NRCAM: variants seen among roughly 807,000 people sequenced by gnomAD.
NRCAM encodes the protein NgCAM-related cell adhesion molecule.
In NRCAM, 83 loss-of-function variants were observed where a neutral mutation model predicts 156.5. That is an observed-to-expected ratio of 0.53 (90% CI 0.44 to 0.64). NRCAM has a LOEUF of 0.64. Ranked by LOEUF, NRCAM falls within the 30% of genes least tolerant of loss-of-function variation. The probability of loss-of-function intolerance (pLI) is 0.00; values close to 1 mark genes in which losing one functional copy is unlikely to be tolerated. For synonymous variants in NRCAM, 538 were observed against 563.9 expected, an observed-to-expected ratio of 0.95 and a Z score of 0.65; for missense variants, 1,417 against 1,597.3, an observed-to-expected ratio of 0.89 and a Z score of 1.92.
At chr7:108,214,473 T>A (rs994650073) in intron 11 of NRCAM, among the ~76,000 whole-genome samples, 2 of 128,598 alleles carry the variant, frequency 1.6e-5, no homozygotes, top group Non-Finnish European at 3.3e-5. Context: ...TCATTTTTTA[T>A]TGTGTCTATT....
At chr7:108,411,955 C>G (rs1185479214) in intron 1 of NRCAM, among the ~76,000 whole-genome samples, 2 of 152,128 alleles carry the variant, frequency 1.3e-5, no homozygotes, top group African/African-American at 4.8e-5. Context: ...AACAAAACTA[C>G]AGTAAACAAT....
Position 108,159,477 on chromosome 7 carries a change from T to C in NRCAM, c.3663A>G (p.Thr1221=), listed in dbSNP as rs751393223. 7.4e-6 allele frequency: 12 copies of C among 1,613,426 alleles called. No homozygotes were observed. In the South Asian group the frequency reaches 9.9e-5, roughly 13 times the overall value. Residue 1221 remains threonine, a synonymous_variant, in exon 32 of 33, where the codon ACA becomes ACG. Transcript: ENST00000379028. ...EIQPMKEDDG[T]FGEYSDAEDH... ...CAGGGGCTCACCTGTATTCTCCAAA[T>C]GTCCCATCATCTTCCTTCATAGGCT...
Position 108,159,560 on chromosome 7 carries a change from GT to G in NRCAM, c.3599-20del. ...TCTTTAACTAAAAAATGCCAAAATG[GT>G]ATTATTATCTGTTGATCCTGTTCTT... On this transcript the variant is annotated intron_variant, in intron 31 of 32. Coordinates refer to ENST00000379028, the MANE Select transcript of NRCAM (RefSeq NM_001037132.4). 1 of 1,585,456 alleles carries G rather than the reference GT, an allele frequency of 6.3e-7. No individual in the cohort carries two copies.
chr7:108,199,769 C>T (rs1053282853), intron 13 of NRCAM, among the ~76,000 whole-genome samples: 1 of 152,172 alleles, frequency 6.6e-6, no homozygotes, highest in Non-Finnish European at 1.5e-5. Context: ...ACCTTAATCA[C>T]ATGTGCAAAT....
intron 2 of NRCAM, among the ~76,000 whole-genome samples, chr7:108,342,394 A>G (rs2099296664): frequency 6.6e-6 from 1 of 152,224 alleles, no homozygotes. Flanking sequence ...CAAAACCCTA[A>G]AGCAACTAAG....
At chr7:108,271,175 G>A (rs2097331997) in intron 3 of NRCAM, among the ~76,000 whole-genome samples, 1 of 152,124 alleles carries the variant, frequency 6.6e-6, no homozygotes, top group Non-Finnish European at 1.5e-5. Flanking sequence ...AGATCAAACA[G>A]CTACCAGCAA....
chr7:108,414,392 T>C (rs1337386520), intron 1 of NRCAM, among the ~76,000 whole-genome samples: 1 of 152,144 alleles, frequency 6.6e-6, no homozygotes, highest in African/African-American at 2.4e-5. Context: ...TTCCATCTCC[T>C]CATAAAACCT....
intron 2 of NRCAM, among the ~76,000 whole-genome samples, chr7:108,337,828 G>A (rs116636986): frequency 0.031 from 4,647 of 152,220 alleles, 95 homozygotes; most frequent in Middle Eastern, 0.054. Flanking sequence ...GGACCTCCCC[G>A]CAACCCAGTA....
intron 2 of NRCAM, among the ~76,000 whole-genome samples, chr7:108,385,139 T>A (rs957028600): frequency 2.6e-5 from 4 of 152,212 alleles, no homozygotes; most frequent in Non-Finnish European, 4.4e-5. Flanking sequence ...GAGGAATAGA[T>A]CACATTTATT....
At chr7:108,215,556 T>A (rs1417443384) in intron 11 of NRCAM, among the ~76,000 whole-genome samples, 1 of 152,098 alleles carries the variant, frequency 6.6e-6, no homozygotes, top group Non-Finnish European at 1.5e-5. Context: ...TGTCTTTGTA[T>A]GTCTCTAAGA....
intron 3 of NRCAM, among the ~76,000 whole-genome samples, chr7:108,257,839 C>A (rs1395924882): frequency 2.6e-5 from 4 of 151,902 alleles, no homozygotes; most frequent in Admixed American, 2.6e-4. Context: ...GCTATTAAAC[C>A]TAAGTCAGGC....
At position 108,149,876 on chromosome 7, in the gene NRCAM, T is replaced by C. The variant is rs780241240; in HGVS notation, c.*34A>G. The C allele has an allele frequency of 6.4e-7, 1 of 1,550,862 alleles. No individual in the cohort carries two copies. The highest frequency in any genetic ancestry group is 8.8e-7 in the Non-Finnish European group (1 of 1,134,406). ...AAACAAGTGCTTAGGATAAACATTC[T>C]AGAGAAATGGAATATTGGCAAAGAG... On this transcript the variant is annotated 3_prime_UTR_variant, in exon 33 of 33. Coordinates refer to ENST00000379028, the MANE Select transcript of NRCAM (RefSeq NM_001037132.4).
chr7:108,367,009 T>C (rs1022679345), intron 2 of NRCAM, among the ~76,000 whole-genome samples: 2 of 152,248 alleles, frequency 1.3e-5, no homozygotes, highest in African/African-American at 4.8e-5. Context: ...TGAAATGATT[T>C]TGAAGAGAGA....
chr7:108,443,987 G>C (rs769257154), intron 1 of NRCAM, among the ~76,000 whole-genome samples: 15 of 152,136 alleles, frequency 9.9e-5, no homozygotes, highest in Non-Finnish European at 2.1e-4. Flanking sequence ...TAGAGAGAGA[G>C]AGAGATAGGG....
At position 108,354,894 on chromosome 7, in the gene NRCAM, C is replaced by CA. The variant is rs200161196; in HGVS notation, c.-173-42164dup. On this transcript the variant is annotated intron_variant, in intron 2 of 32. Transcript: ENST00000379028. ...GGGCAACAAGAGCGAAACTCTGTCT[C>CA]AAAAAAAAAAAAGCAATTTCACTTC... Among the ~76,000 whole-genome samples the CA allele has an allele frequency of 1.9e-3, 240 of 125,628 alleles. 1 individual carries two copies. Among genetic ancestry groups the CA allele is most frequent in the Middle Eastern group, 4.2e-3 (1 of 236 alleles). The allele number at this position is 125,628 out of a possible 152,430, so 82.4% of individuals were successfully genotyped here.
At chr7:108,429,193 T>C (rs1821509726) in intron 1 of NRCAM, among the ~76,000 whole-genome samples, 1 of 151,666 alleles carries the variant, frequency 6.6e-6, no homozygotes, top group Non-Finnish European at 1.5e-5. Context: ...TGGGTGTTTC[T>C]TTTTTTTTCT....
chr7:108,205,045 C>G (rs1486724303), intron 13 of NRCAM, among the ~76,000 whole-genome samples: 1 of 152,198 alleles, frequency 6.6e-6, no homozygotes, highest in African/African-American at 2.4e-5. Flanking sequence ...ACTGCATACT[C>G]TGGTACTATG....
At chr7:108,406,670 C>G (rs909788760) in intron 1 of NRCAM, among the ~76,000 whole-genome samples, 24 of 152,178 alleles carry the variant, frequency 1.6e-4, no homozygotes, top group African/African-American at 5.5e-4. Context: ...AAATGAAATG[C>G]CAGCACACTT....
intron 10 of NRCAM, among the ~76,000 whole-genome samples, 175 bp from the exon 11 acceptor site, chr7:108,224,011 A>G (rs559002711): frequency 6.6e-6 from 1 of 152,314 alleles, no homozygotes; most frequent in South Asian, 2.1e-4. Flanking sequence ...AGTAGTCATC[A>G]CTTACTCAGT....
Sources: gnomAD v4.1 joint callset for allele counts (sites outside exome capture counted in the v4.1 genomes callset) on GRCh38, gnomAD v4.1.1 for gene constraint, MANE v1.5 for transcripts, NCBI Gene and HGNC (gene_info 2026-07-23, HGNC 2026-07-21) for gene names.